The following CSMD1 variants were observed in gnomAD, a reference collection of about 807,000 sequenced individuals.
The protein encoded by CSMD1 is CUB and Sushi multiple domains 1, also known as CUB and sushi domain-containing protein 1.
In CSMD1, 213 loss-of-function variants were observed where a neutral mutation model predicts 417.5. The observed-to-expected ratio is 0.51, with a 90% CI of 0.46 to 0.57. The LOEUF (loss-of-function observed/expected upper bound fraction) is 0.57, where lower values mean the gene tolerates loss of function less well. Among genes scored for constraint, CSMD1 ranks in the 20% least tolerant of loss-of-function variants. The pLI, the probability that CSMD1 is intolerant of heterozygous loss-of-function variation, is 0.00. For synonymous variants in CSMD1, 2,862 were observed against 1,736.8 expected, an observed-to-expected ratio of 1.65 and a Z score of -16.11; for missense variants, 6,923 against 4,529.7, an observed-to-expected ratio of 1.53 and a Z score of -15.17.
chr8:3,231,958 G>C (rs148905170), intron 26 of CSMD1, among the ~76,000 whole-genome samples: 32 of 152,304 alleles, frequency 2.1e-4, no homozygotes, highest in African/African-American at 6.5e-4. Context: ...GCAAGAAGCT[G>C]TCTTCACCAC....
At chr8:3,900,493 A>T (rs1807671548) in intron 5 of CSMD1, among the ~76,000 whole-genome samples, 1 of 151,930 alleles carries the variant, frequency 6.6e-6, no homozygotes, top group African/African-American at 2.4e-5. Flanking sequence ...TTGACAGTGT[A>T]GCTGGGTGAC....
At chr8:4,638,636 T>G (rs1802994117) in intron 1 of CSMD1, among the ~76,000 whole-genome samples, 1 of 152,072 alleles carries the variant, frequency 6.6e-6, no homozygotes, top group African/African-American at 2.4e-5. Flanking sequence ...CAAAGAGCAG[T>G]AAGTAAGCAG....
intron 5 of CSMD1, among the ~76,000 whole-genome samples, chr8:3,754,914 G>A (rs550179763): frequency 9.2e-5 from 14 of 152,160 alleles, no homozygotes; most frequent in Admixed American, 3.3e-4. Context: ...TTGATGACAA[G>A]AACTGCAAAA....
intron 49 of CSMD1, among the ~76,000 whole-genome samples, chr8:3,069,752 C>T (rs1481340703): frequency 6.6e-6 from 1 of 152,182 alleles, no homozygotes; most frequent in East Asian, 1.9e-4. Context: ...TCTCACAGCT[C>T]CACTAAGCAG....
chr8:3,369,533 T>C (rs564312622), intron 18 of CSMD1, among the ~76,000 whole-genome samples, 163 bp from the exon 19 acceptor site: 1 of 152,216 alleles, frequency 6.6e-6, no homozygotes, highest in Non-Finnish European at 1.5e-5. Flanking sequence ...CTTGCAAATA[T>C]CATATGCTAG....
At chr8:4,958,138 CAT>C (rs201949774) in intron 1 of CSMD1, among the ~76,000 whole-genome samples, 8,245 of 152,156 alleles carry the variant, frequency 0.054, 298 homozygotes, top group Middle Eastern at 0.14. Flanking sequence ...GTCCTTAGAA[CAT>C]ATGTTTCCCT....
chr8:4,661,407 G>C (rs1438841780), intron 1 of CSMD1, among the ~76,000 whole-genome samples: 1 of 152,162 alleles, frequency 6.6e-6, no homozygotes, highest in Non-Finnish European at 1.5e-5. Context: ...TATGCTATAG[G>C]ATTCGATTTT....
chr8:3,111,968 C>A (rs984372254), intron 42 of CSMD1, among the ~76,000 whole-genome samples: 4 of 152,020 alleles, frequency 2.6e-5, no homozygotes, highest in Admixed American at 2.0e-4. Context: ...ATTTTTCTGC[C>A]AAGGCAAACT....
chr8:3,933,615 G>T (rs78089604), intron 5 of CSMD1, among the ~76,000 whole-genome samples: 1 of 151,974 alleles, frequency 6.6e-6, no homozygotes, highest in Admixed American at 6.6e-5. Flanking sequence ...TTTGCTTCTG[G>T]TAAGATACTG....
chr8:4,716,461 C>A (rs975895440), intron 1 of CSMD1, among the ~76,000 whole-genome samples: 1 of 152,128 alleles, frequency 6.6e-6, no homozygotes, highest in Non-Finnish European at 1.5e-5. Context: ...CAGAATTTTT[C>A]AGTTATTAAT....
chr8:3,527,593 C>A (rs896427795), intron 10 of CSMD1, among the ~76,000 whole-genome samples: 1 of 152,056 alleles, frequency 6.6e-6, no homozygotes, highest in Non-Finnish European at 1.5e-5. Context: ...TCTATACACA[C>A]ACACACACAC....
intron 1 of CSMD1, among the ~76,000 whole-genome samples, chr8:4,805,488 A>G (rs2118574): frequency 5.3e-5 from 8 of 152,100 alleles, no homozygotes; most frequent in African/African-American, 1.9e-4. Flanking sequence ...TCAGCGAGTG[A>G]AACGCCACCA....
chr8:3,284,118 A>T (rs1234164932), intron 26 of CSMD1, 26 bp downstream of exon 26: 2 of 1,526,762 alleles, frequency 1.3e-6, no homozygotes, highest in Non-Finnish European at 1.8e-6. Context: ...TATCAAGGTA[A>T]AGAAGAAGCA....
chr8:4,721,237 C>T (rs1022189115), intron 1 of CSMD1, among the ~76,000 whole-genome samples: 5 of 152,092 alleles, frequency 3.3e-5, no homozygotes, highest in Admixed American at 2.0e-4. Flanking sequence ...TTGTGTTTTC[C>T]TCATCCATAT....
intron 5 of CSMD1, among the ~76,000 whole-genome samples, chr8:3,784,878 G>T (rs771890850): frequency 2.6e-5 from 4 of 152,118 alleles, no homozygotes; most frequent in Non-Finnish European, 5.9e-5. Flanking sequence ...GTTAACATTT[G>T]CTTAAAATTG....
chr8:3,307,681 A>AATAAAACAAGTACC lies in CSMD1; in HGVS notation c.3950_3950+13dup, dbSNP rs1384040066. ...TCTTTTCTCAAATCACTGAAACCAA[A>AATAAAACAAGTACC]ATAAAACAAGTACCTAATGGTCTTT... On this transcript the variant is annotated intron_variant, in intron 25 of 69. Coordinates refer to ENST00000635120, the MANE Select transcript of CSMD1 (RefSeq NM_033225.6). 4.3e-6 allele frequency: 7 copies of AATAAAACAAGTACC among 1,611,638 alleles called. No homozygotes were observed. The South Asian group carries it at 7.7e-5, about 18-fold the overall frequency.
chr8:4,328,387 T>C (rs1324349192), intron 3 of CSMD1, among the ~76,000 whole-genome samples: 2 of 152,044 alleles, frequency 1.3e-5, no homozygotes, highest in African/African-American at 4.8e-5. Context: ...GATTTCTTTT[T>C]ATTACTTCTG....
At chr8:3,953,730 C>T (rs114635275) in intron 5 of CSMD1, among the ~76,000 whole-genome samples, 2,695 of 152,168 alleles carry the variant, frequency 0.018, 82 homozygotes, top group African/African-American at 0.061. Context: ...GAGAAGCTTC[C>T]CCCACAGAGC....
chr8:3,159,801 G>A (rs965233291), intron 38 of CSMD1, among the ~76,000 whole-genome samples: 1 of 152,156 alleles, frequency 6.6e-6, no homozygotes, highest in Non-Finnish European at 1.5e-5. Flanking sequence ...TCCCTAAGCA[G>A]CATATTCAAT....
Sources: allele counts gnomAD v4.1 joint callset (sites outside exome capture counted in the v4.1 genomes callset), GRCh38; gene constraint gnomAD v4.1.1; transcripts MANE v1.5; gene names NCBI Gene and HGNC (gene_info 2026-07-23, HGNC 2026-07-21).